The following MYO3B variants were observed in gnomAD, a reference collection of about 807,000 sequenced individuals.
MYO3B encodes myosin IIIB.
Under a neutral mutation model 174.6 loss-of-function variants are expected in MYO3B, and 156 were observed. The observed-to-expected ratio is 0.89, with a 90% CI of 0.78 to 1.02. The LOEUF is 1.02. Ranked by LOEUF, MYO3B falls within the 50% of genes least tolerant of loss-of-function variation. The pLI is 0.00. For missense variants in MYO3B, 1,632 were observed against 1,639.4 expected (o/e 1.00, Z 0.08); for synonymous variants, 563 against 569.1 (o/e 0.99, Z 0.15).
chr2:170,423,814 C>T lies in MYO3B; in HGVS notation c.2650+15970C>T, dbSNP rs181741751. ...GAGGATGGTCTTGGTCTCTTTACTT[C>T]GTGATCCGCCTGCCTTGGCCTCCCA... On this transcript the variant is annotated intron_variant, in intron 22 of 34. Coordinates refer to ENST00000408978, the MANE Select transcript of MYO3B (RefSeq NM_138995.5). 1.5e-3 allele frequency among the ~76,000 whole-genome samples: 224 copies of T among 152,126 alleles called. 1 individual carries two copies. The highest frequency in any genetic ancestry group is 5.2e-3 in the African/African-American group (217 of 41,502).
intron 28 of MYO3B, 101 bp downstream of exon 28, chr2:170,501,966 G>A: frequency 1.3e-6 from 1 of 750,842 alleles, no homozygotes; most frequent in Non-Finnish European, 2.2e-6. Context: ...AGGAGCACTG[G>A]AATGAGTCAA....
intron 32 of MYO3B, among the ~76,000 whole-genome samples, chr2:170,554,234 C>T (rs1236668325): frequency 6.6e-6 from 1 of 152,128 alleles, no homozygotes. Flanking sequence ...AGTAGTTTAC[C>T]TCAACTGAGG....
chr2:170,262,053 T>C lies in MYO3B; in HGVS notation c.749+25917T>C, dbSNP rs181571084. Among the ~76,000 whole-genome samples, 188 of 152,262 alleles carry C rather than the reference T, an allele frequency of 1.2e-3. 1 individual carries two copies. Among genetic ancestry groups the C allele is most frequent in the African/African-American group, 4.5e-3 (185 of 41,546 alleles). ...TTTGAAACTCCATATTGTGACTAAG[T>C]GTACACATCAGACAGAATGGAATGA... On this transcript the variant is annotated intron_variant, in intron 7 of 34. Coordinates refer to ENST00000408978, the MANE Select transcript of MYO3B (RefSeq NM_138995.5).
At chr2:170,628,616 T>G (rs2105369401) in intron 32 of MYO3B, among the ~76,000 whole-genome samples, 1 of 152,328 alleles carries the variant, frequency 6.6e-6, no homozygotes, top group Middle Eastern at 3.4e-3. Context: ...ACCCGTCTTC[T>G]GCATCGTTCA....
chr2:170,458,896 A>G (rs1684068424), intron 23 of MYO3B, among the ~76,000 whole-genome samples: 1 of 152,176 alleles, frequency 6.6e-6, no homozygotes, highest in Non-Finnish European at 1.5e-5. Flanking sequence ...CCAATAACAT[A>G]TTGTGAATTG....
At chr2:170,301,764 C>T (rs181876366) in intron 7 of MYO3B, among the ~76,000 whole-genome samples, 19 of 151,762 alleles carry the variant, frequency 1.3e-4, no homozygotes, top group South Asian at 6.2e-4. Context: ...GTGGCAGTGA[C>T]GACACGTGGT....
In MYO3B at chr2:170,452,878, C is replaced by G. The variant is rs73023291; in HGVS notation, c.2730+8832C>G. ...TAACAAACCAGAAAGGACTGATTTC[C>G]TAAGCGAAGAATTGAACCTAGGCTG... is the stretch of plus-strand genomic sequence containing the variant. On this transcript the variant is annotated intron_variant, in intron 23 of 34. Coordinates refer to ENST00000408978, the MANE Select transcript of MYO3B (RefSeq NM_138995.5). Among the ~76,000 whole-genome samples the G allele has an allele frequency of 3.3e-3, 500 of 152,262 alleles. 1 individual carries two copies. Among genetic ancestry groups the G allele is most frequent in the African/African-American group, 0.011 (470 of 41,556 alleles).
At position 170,550,440 on chromosome 2, in the gene MYO3B, G is replaced by A. The variant is rs148105376; in HGVS notation, c.3733+6452G>A. On this transcript the variant is annotated intron_variant, in intron 32 of 34. Transcript: ENST00000408978. Reference sequence around the variant, plus strand: ...CTGTGTGGGATGGAGGCGGGGATTCGTATTGTTATCAAGTTTCCAGAGGAT... The same window carrying A: ...CTGTGTGGGATGGAGGCGGGGATTCATATTGTTATCAAGTTTCCAGAGGAT... 3.5e-3 allele frequency among the ~76,000 whole-genome samples: 532 copies of A among 152,258 alleles called. 1 individual carries two copies. The highest frequency in any genetic ancestry group is 6.5e-3 in the Admixed American group (100 of 15,302).
chr2:170,295,992 A>G (rs755453534), intron 7 of MYO3B, among the ~76,000 whole-genome samples: 67 of 152,318 alleles, frequency 4.4e-4, no homozygotes, highest in Non-Finnish European at 7.2e-4. Flanking sequence ...GTAGCAGCCT[A>G]CTGAAAATCA....
Position 170,335,360 on chromosome 2 carries a change from GA to G in MYO3B, c.750-19del. ...CTTTAATGAAATTCTTCTTTCTTAA[GA>G]AAAAATTGCTGTTATTTTTTCAGAA... is the stretch of plus-strand genomic sequence containing the variant. On this transcript the variant is annotated intron_variant, in intron 7 of 34. Transcript: ENST00000408978. 3 of 1,576,502 alleles carry G rather than the reference GA, an allele frequency of 1.9e-6. 1 individual carries two copies. In the Middle Eastern group the frequency reaches 5.0e-4, roughly 265 times the overall value.
chr2:170,289,670 G>A (rs1039284474), intron 7 of MYO3B, among the ~76,000 whole-genome samples: 9 of 151,362 alleles, frequency 5.9e-5, no homozygotes, highest in African/African-American at 1.9e-4. Context: ...TTTCCTTGAC[G>A]TTTTGTGGTT....
chr2:170,225,575 A>T (rs1377922649), intron 6 of MYO3B, among the ~76,000 whole-genome samples: 2 of 152,212 alleles, frequency 1.3e-5, no homozygotes, highest in African/African-American at 4.8e-5. Context: ...TGAATTTAGG[A>T]GATTTACATT....
intron 30 of MYO3B, among the ~76,000 whole-genome samples, chr2:170,532,218 T>C (rs1689397078): frequency 6.6e-6 from 1 of 152,132 alleles, no homozygotes; most frequent in South Asian, 2.1e-4. Flanking sequence ...CAAGTCCAAA[T>C]AGAGGGAGCC....
chr2:170,463,469 T>C, intron 24 of MYO3B, 24 bp downstream of exon 24: 1 of 1,605,932 alleles, frequency 6.2e-7, no homozygotes, highest in African/African-American at 1.3e-5. Flanking sequence ...TTGATCTCTA[T>C]TCTGCCTGCT....
Position 170,515,165 on chromosome 2 carries a change from AT to A in MYO3B, c.3472+146del, listed in dbSNP as rs1005324282. The A allele has an allele frequency of 2.6e-5, 17 of 662,722 alleles. No individual in the cohort carries two copies. The African/African-American group carries it at 3.1e-4, about 12-fold the overall frequency. 41.1% of individuals were successfully genotyped at this position (662,722 alleles called of 1,614,324 possible). ...TTTTCTATAGGTGACAGCCAATTAA[AT>A]TTAAGGCCAACCTTGCAGAGGACTC... On this transcript the variant is annotated intron_variant, in intron 29 of 34. Transcript: ENST00000408978.
intron 32 of MYO3B, among the ~76,000 whole-genome samples, chr2:170,569,420 A>G (rs1285927495): frequency 6.6e-6 from 1 of 152,148 alleles, no homozygotes; most frequent in African/African-American, 2.4e-5. Context: ...GAATCTGTGG[A>G]CCTGAACTTG....
intron 23 of MYO3B, among the ~76,000 whole-genome samples, chr2:170,452,599 C>T (rs73975658): frequency 0.068 from 10,332 of 152,106 alleles, 392 homozygotes; most frequent in South Asian, 0.11. Context: ...TTCCAGACTC[C>T]AGCCAGGAAA....
intron 25 of MYO3B, among the ~76,000 whole-genome samples, chr2:170,489,044 G>C (rs765159990): frequency 1.2e-4 from 18 of 152,212 alleles, no homozygotes; most frequent in Non-Finnish European, 2.9e-5. Context: ...AGCATCAGAA[G>C]TGCCTGCCAG....
intron 8 of MYO3B, among the ~76,000 whole-genome samples, chr2:170,339,074 CTTAG>C (rs2093962440): frequency 1.3e-5 from 2 of 152,166 alleles, no homozygotes; most frequent in Admixed American, 1.3e-4. Flanking sequence ...AAGAGAGAGC[CTTAG>C]TTTGTTTTTA....
Sources: gnomAD v4.1 joint callset for allele counts (sites outside exome capture counted in the v4.1 genomes callset) on GRCh38, gnomAD v4.1.1 for gene constraint, MANE v1.5 for transcripts, NCBI Gene and HGNC (gene_info 2026-07-23, HGNC 2026-07-21) for gene names.